Variants in JPH1 observed in about 807,000 individuals in gnomAD.
JPH1 encodes the protein junctophilin 1, also known as junctophilin-1.
In JPH1, 12 loss-of-function variants were observed where a neutral mutation model predicts 53.6. That is an observed-to-expected ratio of 0.22 (90% CI 0.14 to 0.36). The LOEUF is 0.36. JPH1 is among the 10% of genes least tolerant of loss of function. The probability of loss-of-function intolerance (pLI) is 1.00; values close to 1 mark genes in which losing one functional copy is unlikely to be tolerated. For missense variants in JPH1, 808 were observed against 905.5 expected, an observed-to-expected ratio of 0.89 and a Z score of 1.38; for synonymous variants, 375 against 363.8, an observed-to-expected ratio of 1.03 and a Z score of -0.35.
intron 3 of JPH1, among the ~76,000 whole-genome samples, chr8:74,246,473 T>C (rs1438006509): frequency 2.0e-5 from 3 of 152,200 alleles, no homozygotes; most frequent in Non-Finnish European, 4.4e-5. Flanking sequence ...GTCTGAGTAA[T>C]AAGTTATTGT....
chr8:74,243,832 A>C (rs912329644), intron 4 of JPH1, among the ~76,000 whole-genome samples: 1 of 152,246 alleles, frequency 6.6e-6, no homozygotes, highest in Non-Finnish European at 1.5e-5. Flanking sequence ...CTGGCTGAAT[A>C]ATAAATAAAT....
chr8:74,244,670 C>T lies in JPH1; in HGVS notation c.1764G>A (p.Lys588=). 1 of 1,614,184 alleles carries T rather than the reference C, an allele frequency of 6.2e-7. No homozygotes were observed. Among genetic ancestry groups the T allele is most frequent in the Non-Finnish European group, 8.5e-7 (1 of 1,180,048 alleles). The stretch of plus-strand genomic sequence containing the variant: ...TTGTCACAGATTTGGAGGGACTCCA[C>T]TTGTTAGCGGATGGCTTGTGCACCA... ...SALVHKPSAN[K]WSPSKSVTKP... is the part of the protein sequence containing the mutation. Residue 588 remains lysine (K), a synonymous_variant, in exon 4 of 6, where the codon AAG becomes AAA. Transcript: ENST00000342232.
Position 74,315,074 on chromosome 8 carries a change from G to A in JPH1, c.926C>T (p.Ala309Val). 6.2e-7 allele frequency: 1 copy of A among 1,614,122 alleles called. No homozygotes were observed. The highest frequency in any genetic ancestry group is 8.5e-7 in the Non-Finnish European group (1 of 1,180,018). The stretch of plus-strand genomic sequence containing the variant: ...GCCATATCCATGCCTCTTGTTATTT[G>A]CCCACTCCCCTTCATACTTCATGCC... ...SNGMKYEGEW[A>V]NNKRHGYGCT... is the part of the protein sequence containing the mutation. Residue 309 changes from alanine (A) to valine (V), a missense_variant, in exon 2 of 6, where the codon GCA (alanine) becomes GTA (valine). Physicochemically the swap from Ala to Val is moderately conservative, Grantham distance 64. This residue lies in a region of JPH1 where 756 missense variants were observed against 811.9 expected (regional missense o/e 0.93). Transcript: ENST00000342232. This position sits in a 1 kb window ranked among gnomAD's most constrained non-coding sequence, Gnocchi z 6.3.
intron 2 of JPH1, among the ~76,000 whole-genome samples, chr8:74,264,313 T>C (rs1051597014): frequency 2.0e-5 from 3 of 151,738 alleles, no homozygotes; most frequent in Non-Finnish European, 2.9e-5. Flanking sequence ...CATAAATTCC[T>C]TTTTTTTAAA....
chr8:74,242,213 G>A (rs1805716449), intron 4 of JPH1, among the ~76,000 whole-genome samples: 2 of 152,198 alleles, frequency 1.3e-5, no homozygotes, highest in South Asian at 4.1e-4. Flanking sequence ...CCTGAGGATG[G>A]ATCAGATCTA....
chr8:74,276,189 G>T lies in JPH1; in HGVS notation c.1140-16686C>A, dbSNP rs374065665. ...TAAATGGACACATAAAACCATAGGT[G>T]TTGGGAGCTGGAAAAAAGGGGCACA... On this transcript the variant is annotated intron_variant, in intron 2 of 5. Transcript: ENST00000342232. Among the ~76,000 whole-genome samples, 7 of 152,150 alleles carry T rather than the reference G, an allele frequency of 4.6e-5. No homozygotes were observed. The East Asian group carries it at 7.7e-4, about 17-fold the overall frequency.
At chr8:74,303,537 C>T (rs1453477236) in intron 2 of JPH1, among the ~76,000 whole-genome samples, 1 of 152,170 alleles carries the variant, frequency 6.6e-6, no homozygotes, top group African/African-American at 2.4e-5. Context: ...ACTGCCACAG[C>T]TTAGCCCAAC....
intron 1 of JPH1, among the ~76,000 whole-genome samples, chr8:74,316,980 A>G (rs1808177472): frequency 6.6e-6 from 1 of 152,246 alleles, no homozygotes; most frequent in Admixed American, 6.5e-5. Context: ...TGTCATAGAA[A>G]ACAAATAATG....
At chr8:74,272,581 C>T (rs920372463) in intron 2 of JPH1, among the ~76,000 whole-genome samples, 2 of 150,782 alleles carry the variant, frequency 1.3e-5, no homozygotes, top group African/African-American at 2.4e-5. Context: ...TCAGAGATGC[C>T]TCTGTTGGAC....
intron 2 of JPH1, among the ~76,000 whole-genome samples, chr8:74,311,818 AT>A (rs1442191024): frequency 6.6e-6 from 1 of 151,738 alleles, no homozygotes; most frequent in East Asian, 1.9e-4. Flanking sequence ...ATGAGTTCCA[AT>A]TTCATCCATG....
chr8:74,261,475 G>C (rs1232208859), intron 2 of JPH1, among the ~76,000 whole-genome samples: 1 of 152,120 alleles, frequency 6.6e-6, no homozygotes, highest in East Asian at 1.9e-4. Context: ...CTAAACCATG[G>C]AGGATGCTTT....
chr8:74,278,987 GCGCA>G (rs1443000611), intron 2 of JPH1, among the ~76,000 whole-genome samples: 1 of 131,834 alleles, frequency 7.6e-6, no homozygotes, highest in Non-Finnish European at 1.6e-5. Context: ...ACGCACACGC[GCGCA>G]CACACACACA....
At chr8:74,314,171 CCTTTT>C (rs1311043830) in intron 2 of JPH1, among the ~76,000 whole-genome samples, 1 of 152,228 alleles carries the variant, frequency 6.6e-6, no homozygotes, top group Non-Finnish European at 1.5e-5. Context: ...CCACCCCTTT[CCTTTT>C]AATACACCAG....
In JPH1 at chr8:74,315,575, C is replaced by T; in HGVS notation, c.425G>A (p.Gly142Asp). 1 of 1,605,270 alleles carries T rather than the reference C, an allele frequency of 6.2e-7. No individual in the cohort carries two copies. The highest frequency in any genetic ancestry group is 8.5e-7 in the Non-Finnish European group (1 of 1,178,534). ...GCCGTAGGGCACGCTCTGGCGCACG[C>T]CGTAGCCATGCCGCATGCCTCCGGC... Reference protein sequence around the residue: ...QWAGGMRHGYGVRQSVPYGMA... With the variant: ...QWAGGMRHGYDVRQSVPYGMA... The change falls in exon 2 of 6, where the codon GGC becomes GAC. Residue 142 changes from glycine to aspartate, a missense_variant. By Grantham distance (94) the Gly-to-Asp change is moderately conservative (BLOSUM62 -1). Transcript: ENST00000342232. This position sits in a 1 kb window ranked among gnomAD's most constrained non-coding sequence, Gnocchi z 6.3.
At chr8:74,276,131 T>G (rs1211565176) in intron 2 of JPH1, among the ~76,000 whole-genome samples, 2 of 152,176 alleles carry the variant, frequency 1.3e-5, no homozygotes, top group Non-Finnish European at 2.9e-5. Flanking sequence ...AAAGTGTATA[T>G]TCTTTTAAGG....
chr8:74,267,682 T>A (rs1806573942), intron 2 of JPH1, among the ~76,000 whole-genome samples: 1 of 152,190 alleles, frequency 6.6e-6, no homozygotes, highest in South Asian at 2.1e-4. Flanking sequence ...GGCCACATGC[T>A]GGAGACTTTT....
intron 2 of JPH1, among the ~76,000 whole-genome samples, chr8:74,272,600 C>CTTT (rs765158506): frequency 2.6e-4 from 29 of 112,618 alleles, no homozygotes; most frequent in South Asian, 5.9e-4. Context: ...ACCCTTAGTT[C>CTTT]TTTTTTTTTT....
chr8:74,294,431 C>T lies in JPH1; in HGVS notation c.1139+20430G>A, dbSNP rs115452269. ...GAGGAAACAGGGCCAAAAGCAGGCC[C>T]GGATGTCCCTGTCCTGATTCACGTA... On this transcript the variant is annotated intron_variant, in intron 2 of 5. Coordinates refer to ENST00000342232, the MANE Select transcript of JPH1 (RefSeq NM_020647.4). 4.6e-3 allele frequency among the ~76,000 whole-genome samples: 700 copies of T among 152,240 alleles called. 5 individuals are homozygous for T. The highest frequency in any genetic ancestry group is 0.016 in the African/African-American group (673 of 41,526).
In JPH1 at chr8:74,244,961, C is replaced by A; in HGVS notation, c.1473G>T (p.Gly491=). ...KPLKKQNPSS[G]ARLNQDKRSV... ...TCCTTTTGTCTTGGTTGAGTCTCGC[C>A]CCTGAGCTGGGGTTTTGCTTCTTCA... is the stretch of plus-strand genomic sequence containing the variant. The change falls in exon 4 of 6, where the codon GGG becomes GGT. Residue 491 remains glycine, a synonymous_variant. Transcript: ENST00000342232. The A allele has an allele frequency of 6.2e-7, 1 of 1,614,060 alleles. No individual in the cohort carries two copies.
Sources: allele counts gnomAD v4.1 joint callset (sites outside exome capture counted in the v4.1 genomes callset), GRCh38; gene constraint gnomAD v4.1.1; regional missense constraint gnomAD v4.1.1; non-coding constraint Gnocchi (gnomAD v3.1); transcripts MANE v1.5; gene names NCBI Gene and HGNC (gene_info 2026-07-23, HGNC 2026-07-21).